Variants in SCAI observed in about 807,000 individuals in gnomAD.
SCAI encodes suppressor of cancer cell invasion.
SCAI carries 24 observed loss-of-function variants against 92.2 expected under a neutral mutation model. That is an observed-to-expected ratio of 0.26 (90% CI 0.19 to 0.37). The LOEUF (loss-of-function observed/expected upper bound fraction) is 0.37. Ranked by LOEUF, SCAI falls within the 10% of genes least tolerant of loss-of-function variation. SCAI has a pLI of 1.00. For missense variants in SCAI, 450 were observed against 736.2 expected (o/e 0.61, Z 4.50); for synonymous variants, 261 against 258.6 (o/e 1.01, Z -0.09).
rs146022049 is a variant in SCAI at position 125,050,361 on chromosome 9, T to A, written c.230+5515A>T. 1.1e-4 allele frequency among the ~76,000 whole-genome samples: 17 copies of A among 152,246 alleles called. No homozygotes were observed. In the East Asian group the frequency reaches 3.3e-3, roughly 29 times the overall value. On this transcript the variant is annotated intron_variant, in intron 3 of 17. Coordinates refer to ENST00000336505, the MANE Select transcript of SCAI (RefSeq NM_001144877.3). Reference sequence around the variant, plus strand: ...TTGTCCCTTTCTCAAGAAATGCTCATAAAGCAACATCAACACTCGAAAGAA... The same window carrying A: ...TTGTCCCTTTCTCAAGAAATGCTCAAAAAGCAACATCAACACTCGAAAGAA...
chr9:125,135,570 T>G (rs760644783), intron 2 of SCAI, among the ~76,000 whole-genome samples: 2 of 152,154 alleles, frequency 1.3e-5, no homozygotes, highest in Non-Finnish European at 2.9e-5. Flanking sequence ...CAAGAACCAC[T>G]TGAACCCAGG....
At chr9:124,988,665 G>A (rs999160896) in intron 14 of SCAI, among the ~76,000 whole-genome samples, 21 of 151,886 alleles carry the variant, frequency 1.4e-4, no homozygotes, top group Middle Eastern at 6.8e-3. Flanking sequence ...AAAGAGCAAA[G>A]GACAGACAAA....
chr9:124,983,643 G>A (rs751455508), intron 14 of SCAI, among the ~76,000 whole-genome samples: 1 of 152,242 alleles, frequency 6.6e-6, no homozygotes, highest in Non-Finnish European at 1.5e-5. Context: ...GTGAGCCACC[G>A]TGCCCGGCCT....
chr9:125,064,902 A>G (rs1199649338), intron 2 of SCAI, among the ~76,000 whole-genome samples: 2 of 152,182 alleles, frequency 1.3e-5, no homozygotes, highest in African/African-American at 4.8e-5. Flanking sequence ...ATCCATGTAA[A>G]TAATTCACGG....
intron 2 of SCAI, among the ~76,000 whole-genome samples, chr9:125,079,442 C>A (rs1488703974): frequency 1.3e-5 from 2 of 152,184 alleles, no homozygotes; most frequent in African/African-American, 4.8e-5. Context: ...GCTCCTCAGA[C>A]ATCTATAACT....
intron 17 of SCAI, among the ~76,000 whole-genome samples, chr9:124,965,904 A>T (rs4838239): frequency 6.6e-6 from 1 of 151,956 alleles, no homozygotes; most frequent in Non-Finnish European, 1.5e-5. Context: ...TGTGAGAACC[A>T]CTAGAGATCA....
At chr9:124,982,442 G>T (rs543302206) in intron 14 of SCAI, among the ~76,000 whole-genome samples, 1 of 152,116 alleles carries the variant, frequency 6.6e-6, no homozygotes, top group Admixed American at 6.6e-5. Flanking sequence ...GAGGCCGAGG[G>T]GGGTGGTTCA....
intron 9 of SCAI, among the ~76,000 whole-genome samples, chr9:125,013,984 T>C (rs1329773052): frequency 1.3e-5 from 2 of 152,014 alleles, no homozygotes; most frequent in Non-Finnish European, 2.9e-5. Flanking sequence ...CAACAACGCT[T>C]CATGCTAAAA....
intron 3 of SCAI, among the ~76,000 whole-genome samples, chr9:125,043,082 G>C (rs1004853984): frequency 3.4e-4 from 51 of 151,674 alleles, no homozygotes; most frequent in African/African-American, 1.2e-3. Flanking sequence ...TGGCCAGGCT[G>C]GTCTTGAACT....
chr9:125,014,619 T>C lies in SCAI; in HGVS notation c.861+4180A>G, dbSNP rs12057013. Among the ~76,000 whole-genome samples, 1,382 of 152,284 alleles carry C rather than the reference T, an allele frequency of 9.1e-3. 56 individuals are homozygous for C. Among genetic ancestry groups the C allele is most frequent in the Admixed American group, 0.067 (1,028 of 15,288 alleles). ...TGGCCATACTGCCCAAGGTAATTTA[T>C]AGATTCAATGCCATCCCCATCAAGC... is the stretch of plus-strand genomic sequence containing the variant. On this transcript the variant is annotated intron_variant, in intron 9 of 17. Transcript: ENST00000336505.
At chr9:125,130,214 CA>C (rs1835369860) in intron 2 of SCAI, among the ~76,000 whole-genome samples, 1 of 151,738 alleles carries the variant, frequency 6.6e-6, no homozygotes, top group Admixed American at 6.6e-5. Context: ...ATTCTTAAAA[CA>C]AAAAAGCAAA....
chr9:125,073,675 A>G (rs1834027690), intron 2 of SCAI, among the ~76,000 whole-genome samples: 1 of 152,064 alleles, frequency 6.6e-6, no homozygotes, highest in Non-Finnish European at 1.5e-5. Context: ...CTATCCTATG[A>G]CTCTGTTTAT....
chr9:125,038,604 C>A (rs149228821), intron 3 of SCAI, among the ~76,000 whole-genome samples: 31 of 152,294 alleles, frequency 2.0e-4, no homozygotes, highest in African/African-American at 6.5e-4. Flanking sequence ...TCCATTACAA[C>A]TTTTCTGAAT....
At chr9:124,996,293 C>G (rs1832239353) in intron 13 of SCAI, among the ~76,000 whole-genome samples, 2 of 152,076 alleles carry the variant, frequency 1.3e-5, no homozygotes, top group South Asian at 4.2e-4. Flanking sequence ...TTCGAGTAAA[C>G]AACAATTTTT....
intron 13 of SCAI, among the ~76,000 whole-genome samples, chr9:124,996,116 T>C (rs1832233862): frequency 6.6e-6 from 1 of 151,536 alleles, no homozygotes; most frequent in Admixed American, 6.6e-5. Context: ...TACAATGTGA[T>C]GACTTGTTAA....
chr9:125,038,208 G>T (rs575796371), intron 3 of SCAI, among the ~76,000 whole-genome samples: 1 of 152,258 alleles, frequency 6.6e-6, no homozygotes, highest in South Asian at 2.1e-4. Context: ...AGTGAGCCAA[G>T]ATTGCGCCAC....
intron 2 of SCAI, among the ~76,000 whole-genome samples, chr9:125,141,934 A>ATT (rs1835675899): frequency 6.6e-6 from 1 of 152,072 alleles, no homozygotes; most frequent in Non-Finnish European, 1.5e-5. Context: ...AAATTAGTTT[A>ATT]TTTTTTGAGG....
At chr9:125,009,086 T>C (rs1454127730) in intron 9 of SCAI, among the ~76,000 whole-genome samples, 2 of 151,910 alleles carry the variant, frequency 1.3e-5, no homozygotes, top group Non-Finnish European at 1.5e-5. Flanking sequence ...AAACTCAAGT[T>C]GGAGATGTGC....
chr9:125,026,942 A>G (rs963386209), intron 5 of SCAI, 32 bp from the exon 6 acceptor site: 2 of 1,277,152 alleles, frequency 1.6e-6, no homozygotes, highest in Non-Finnish European at 2.3e-6. Flanking sequence ...TAAATATGAC[A>G]GTGTCAGAGA....
Sources: gnomAD v4.1 joint callset for allele counts (sites outside exome capture counted in the v4.1 genomes callset) on GRCh38, gnomAD v4.1.1 for gene constraint, MANE v1.5 for transcripts, NCBI Gene and HGNC (gene_info 2026-07-23, HGNC 2026-07-21) for gene names.